Variants in CHODL observed in about 807,000 individuals in gnomAD.
The protein encoded by CHODL is chondrolectin, also known as transmembrane protein MT75.
In CHODL, 29 loss-of-function variants were observed where a neutral mutation model predicts 34.5. The ratio of observed to expected loss-of-function variants is 0.84; its 90% CI spans 0.63 to 1.15. CHODL has a LOEUF of 1.15. Ranked by LOEUF, CHODL falls within the 50% of genes most tolerant of loss-of-function variation. CHODL has a pLI of 0.00. For missense variants in CHODL, 332 were observed against 332.5 expected, an observed-to-expected ratio of 1.00 and a Z score of 0.01; for synonymous variants, 125 against 116.1, an observed-to-expected ratio of 1.08 and a Z score of -0.49.
intron 1 of CHODL, among the ~76,000 whole-genome samples, chr21:17,921,567 C>A (rs1268868535): frequency 6.6e-6 from 1 of 152,200 alleles, no homozygotes; most frequent in East Asian, 1.9e-4. Context: ...AAGAAGGAAG[C>A]AAGTCCTTAA....
At position 18,190,212 on chromosome 21, in the gene CHODL, G is replaced by GAGAGAGGA. The variant is rs1324334827; in HGVS notation, c.-44-66293_-44-66286dup. ...AATGATTTTTAAAAATATGTGAGATGAGAGAGGAAGATTCTAGGCCTAGGT... is the reference window on the plus strand; with the variant it reads ...AATGATTTTTAAAAATATGTGAGATGAGAGAGGAAGAGAGGAAGATTCTAGGCCTAGGT... On this transcript the variant is annotated intron_variant, in intron 2 of 6. Transcript: ENST00000400127. 3.3e-5 allele frequency among the ~76,000 whole-genome samples: 5 copies of GAGAGAGGA among 152,240 alleles called. No homozygotes were observed. The South Asian group carries it at 6.2e-4, about 19-fold the overall frequency.
chr21:18,116,791 T>G (rs2065418679), intron 2 of CHODL, among the ~76,000 whole-genome samples: 1 of 152,144 alleles, frequency 6.6e-6, no homozygotes, highest in Admixed American at 6.5e-5. Context: ...AGTTGAAGCC[T>G]TTGGGGCTCA....
At chr21:17,994,529 G>A (rs2063829401) in intron 1 of CHODL, among the ~76,000 whole-genome samples, 2 of 152,182 alleles carry the variant, frequency 1.3e-5, no homozygotes, top group Admixed American at 6.5e-5. Context: ...GCATGCATGT[G>A]TGCCCACAGG....
chr21:18,045,796 GC>G (rs1271174770), intron 2 of CHODL, among the ~76,000 whole-genome samples: 1 of 151,660 alleles, frequency 6.6e-6, no homozygotes, highest in East Asian at 2.0e-4. Flanking sequence ...AACTAGCTAG[GC>G]CCCCATTTTT....
In CHODL at chr21:18,137,442, A is replaced by G. The variant is rs1000009022; in HGVS notation, c.-45+109471A>G. On this transcript the variant is annotated intron_variant, in intron 2 of 6. Coordinates refer to the CHODL transcript ENST00000400127. ...AACTTGAATATGTTAAATATCAGGT[A>G]TTTCCTCATTTACCTACTTAGAGCG... 3.3e-5 allele frequency among the ~76,000 whole-genome samples: 5 copies of G among 152,280 alleles called. No homozygotes were observed. In the East Asian group the frequency reaches 5.8e-4, roughly 18 times the overall value.
At chr21:18,204,291 C>A (rs1363739127) in intron 2 of CHODL, among the ~76,000 whole-genome samples, 1 of 152,060 alleles carries the variant, frequency 6.6e-6, no homozygotes, top group African/African-American at 2.4e-5. Context: ...CTTTTAAAAA[C>A]CCTGCATCTT....
chr21:17,992,752 A>T (rs1475560973), intron 1 of CHODL, among the ~76,000 whole-genome samples: 4 of 111,002 alleles, frequency 3.6e-5, no homozygotes, highest in Admixed American at 2.4e-4. Context: ...TTCCAGACAG[A>T]GTTTCACTTC....
chr21:18,073,673 T>C (rs1195114641), intron 2 of CHODL, among the ~76,000 whole-genome samples: 1 of 152,090 alleles, frequency 6.6e-6, no homozygotes, highest in Admixed American at 6.6e-5. Context: ...TCATTTTTTT[T>C]CTAAATCTAT....
chr21:18,134,141 C>T (rs998654220), intron 2 of CHODL, among the ~76,000 whole-genome samples: 7 of 152,094 alleles, frequency 4.6e-5, no homozygotes, highest in African/African-American at 1.4e-4. Context: ...CTCTCATGCC[C>T]CTTTTTATAT....
At chr21:18,069,683 A>G (rs1262137525) in intron 2 of CHODL, among the ~76,000 whole-genome samples, 1 of 152,180 alleles carries the variant, frequency 6.6e-6, no homozygotes, top group Non-Finnish European at 1.5e-5. Flanking sequence ...TTGTGCAATG[A>G]CAAAGATGGT....
chr21:17,934,470 A>C (rs2063303679), intron 1 of CHODL, among the ~76,000 whole-genome samples: 1 of 151,932 alleles, frequency 6.6e-6, no homozygotes, highest in Non-Finnish European at 1.5e-5. Context: ...GAGTGTTTTC[A>C]TAAATGTTTT....
At position 17,973,820 on chromosome 21, in the gene CHODL, A is replaced by G. The variant is rs1483770877; in HGVS notation, c.-144-54052A>G. 6.0e-5 allele frequency among the ~76,000 whole-genome samples: 9 copies of G among 150,148 alleles called. No individual in the cohort carries two copies. In the East Asian group the frequency reaches 1.8e-3, roughly 29 times the overall value. On this transcript the variant is annotated intron_variant, in intron 1 of 6. Coordinates refer to the CHODL transcript ENST00000400127. ...CTTTCAGGAAAAAAAAAAAAAAAGGACCTCAGAAAAGGGACTACTTAGGAA... is the reference window on the plus strand; with the variant it reads ...CTTTCAGGAAAAAAAAAAAAAAAGGGCCTCAGAAAAGGGACTACTTAGGAA...
intron 2 of CHODL, among the ~76,000 whole-genome samples, chr21:18,078,853 T>C (rs2064899401): frequency 6.6e-6 from 1 of 152,162 alleles, no homozygotes; most frequent in African/African-American, 2.4e-5. Context: ...CAAGAAGAAA[T>C]GGAGGCTCAG....
chr21:18,078,219 T>G (rs1004433688), intron 2 of CHODL, among the ~76,000 whole-genome samples: 1 of 152,116 alleles, frequency 6.6e-6, no homozygotes, highest in Non-Finnish European at 1.5e-5. Flanking sequence ...GGACTCACAG[T>G]TCCACATGGC....
chr21:18,000,982 T>A (rs1456150770), intron 1 of CHODL, among the ~76,000 whole-genome samples: 1 of 152,214 alleles, frequency 6.6e-6, no homozygotes, highest in Non-Finnish European at 1.5e-5. Context: ...TTTTTACCTT[T>A]GTTTTTAAGG....
chr21:18,266,429 A>G lies in CHODL; in HGVS notation c.*391A>G, dbSNP rs1206820374. The G allele has an allele frequency of 1.7e-5, 5 of 289,306 alleles. No homozygotes were observed. The highest frequency in any genetic ancestry group is 3.3e-5 in the Non-Finnish European group (5 of 153,602). The allele number at this position is 289,306 out of a possible 1,614,324, so 17.9% of individuals were successfully genotyped here. A position where few individuals can be genotyped will look rare whatever the true frequency, so the allele number is the denominator to read the frequency against. ...TATTGTATTGAAATTTACAGTGTGC[A>G]AAAGTATTTTACCTTTGCATAAGTG... On this transcript the variant is annotated 3_prime_UTR_variant, in exon 6 of 6. Coordinates refer to ENST00000299295, the MANE Select transcript of CHODL (RefSeq NM_024944.3).
chr21:18,151,908 C>A (rs2146628575), intron 2 of CHODL, among the ~76,000 whole-genome samples: 1 of 152,016 alleles, frequency 6.6e-6, no homozygotes, highest in East Asian at 1.9e-4. Context: ...CTTCTAATAC[C>A]ATCACATTGA....
intron 2 of CHODL, among the ~76,000 whole-genome samples, chr21:18,158,728 C>T (rs2073061556): frequency 1.3e-5 from 2 of 151,432 alleles, no homozygotes; most frequent in South Asian, 4.2e-4. Context: ...ATCCCAGCTA[C>T]TCGGGAGGCT....
At chr21:17,945,224 A>AT (rs1555840231) in intron 1 of CHODL, among the ~76,000 whole-genome samples, 2 of 151,482 alleles carry the variant, frequency 1.3e-5, no homozygotes, top group Admixed American at 1.3e-4. Flanking sequence ...AAAAAAAAAA[A>AT]ATTACTAAAG....
Sources: allele counts gnomAD v4.1 joint callset (sites outside exome capture counted in the v4.1 genomes callset), GRCh38; gene constraint gnomAD v4.1.1; transcripts MANE v1.5; gene names NCBI Gene and HGNC (gene_info 2026-07-23, HGNC 2026-07-21).